CFAP77: variants seen among roughly 807,000 people sequenced by gnomAD.
CFAP77 encodes cilia and flagella associated protein 77.
A neutral mutation model predicts 31.1 loss-of-function variants in CFAP77; 25 were observed. That is an observed-to-expected ratio of 0.80 (90% CI 0.59 to 1.12). CFAP77 has a LOEUF of 1.12. Ranked by LOEUF, CFAP77 falls within the 50% of genes most tolerant of loss-of-function variation. The probability of loss-of-function intolerance (pLI) is 0.00; values close to 1 mark genes in which losing one functional copy is unlikely to be tolerated. For missense variants in CFAP77, 377 were observed against 397.3 expected, an observed-to-expected ratio of 0.95 and a Z score of 0.44; for synonymous variants, 151 against 159.9, an observed-to-expected ratio of 0.94 and a Z score of 0.42.
intron 1 of CFAP77, among the ~76,000 whole-genome samples, chr9:132,444,303 G>A (rs968360065): frequency 1.3e-5 from 2 of 152,210 alleles, no homozygotes; most frequent in African/African-American, 4.8e-5. Flanking sequence ...CATTGCCAGG[G>A]AGACAAATGC....
chr9:132,543,788 C>T lies in CFAP77; in HGVS notation c.732+741C>T, dbSNP rs573908144. ...CCACATTCTGGCCTCAGAACTCAAC[C>T]GGTGTTCACTCAGCCTTGTAGCCCT... is the stretch of plus-strand genomic sequence containing the variant. On this transcript the variant is annotated intron_variant, in intron 5 of 5. Transcript: ENST00000393216. Among the ~76,000 whole-genome samples the T allele has an allele frequency of 2.7e-3, 417 of 152,276 alleles. 8 individuals carry two copies. The highest frequency in any genetic ancestry group is 1.0e-3 in the Non-Finnish European group (70 of 68,014).
intron 5 of CFAP77, among the ~76,000 whole-genome samples, chr9:132,566,270 G>A (rs149860125): frequency 3.3e-5 from 5 of 152,312 alleles, no homozygotes; most frequent in East Asian, 1.9e-4. Context: ...AATGGAGCTC[G>A]TGACGAAGGG....
rs1215100429 is a variant in CFAP77 at position 132,497,368 on chromosome 9, G to C, written c.196-1327G>C. Among the ~76,000 whole-genome samples, 1 of 152,248 alleles carries C rather than the reference G, an allele frequency of 6.6e-6. No individual in the cohort carries two copies. The highest frequency in any genetic ancestry group is 6.5e-5 in the Admixed American group (1 of 15,290). ...GAGACAGCGAGGCCAGAGCCCACCA[G>C]ACCCTCTGGACAGTCTTTGGCGCAG... On this transcript the variant is annotated intron_variant, in intron 1 of 5. Coordinates refer to ENST00000393216, the MANE Select transcript of CFAP77 (RefSeq NM_001282957.2). The surrounding 1 kb of genome is among the most constrained non-coding windows in gnomAD (Gnocchi z 4.9).
rs1465311785 is a variant in CFAP77 at position 132,539,904 on chromosome 9, T to A, written c.630+2198T>A. Among the ~76,000 whole-genome samples, 1 of 151,542 alleles carries A rather than the reference T, an allele frequency of 6.6e-6. No homozygotes were observed. On this transcript the variant is annotated intron_variant, in intron 4 of 5. Coordinates refer to ENST00000393216, the MANE Select transcript of CFAP77 (RefSeq NM_001282957.2). The surrounding 1 kb of genome is among the most constrained non-coding windows in gnomAD (Gnocchi z 4.3). ...TCTAGCCCCGCATTAGAGCTGGGAG[T>A]TTTTTTTGCTGTTTGTTTATTTTTG...
chr9:132,533,187 A>G (rs1852487296), intron 3 of CFAP77, among the ~76,000 whole-genome samples: 1 of 152,176 alleles, frequency 6.6e-6, no homozygotes, highest in African/African-American at 2.4e-5. Flanking sequence ...CCAGGTGTAT[A>G]GTTTGAGAAA....
At chr9:132,445,048 A>C (rs1294107874) in intron 1 of CFAP77, among the ~76,000 whole-genome samples, 2 of 146,614 alleles carry the variant, frequency 1.4e-5, no homozygotes, top group African/African-American at 5.1e-5. Flanking sequence ...ATCTTGGCTC[A>C]CTGCAACCTC....
chr9:132,456,017 T>C (rs1234482944), intron 1 of CFAP77, among the ~76,000 whole-genome samples: 2 of 152,208 alleles, frequency 1.3e-5, no homozygotes, highest in Admixed American at 1.3e-4. Context: ...GGCACTGCCG[T>C]GGCGATTCAA....
chr9:132,542,725 G>T (rs917514854), intron 4 of CFAP77, among the ~76,000 whole-genome samples: 1 of 152,148 alleles, frequency 6.6e-6, no homozygotes, highest in African/African-American at 2.4e-5. Context: ...GTGTCCTGGG[G>T]TCCCACCCCC....
chr9:132,483,878 A>G (rs748798178), intron 1 of CFAP77, among the ~76,000 whole-genome samples: 1 of 151,632 alleles, frequency 6.6e-6, no homozygotes, highest in Non-Finnish European at 1.5e-5. Context: ...TAAGGGAGAA[A>G]GAGTTTCCTC....
rs573484631 is a variant in CFAP77, at chr9:132,564,585, A to G, written c.733-7803A>G. On this transcript the variant is annotated intron_variant, in intron 5 of 5. Coordinates refer to ENST00000393216, the MANE Select transcript of CFAP77 (RefSeq NM_001282957.2). This position sits in a 1 kb window ranked among gnomAD's most constrained non-coding sequence, Gnocchi z 4.6. ...CTCAAAACTTGTGAGATGAGCTAAA[A>G]GAGAATTTAGAGGGAACACAGTTGC... Among the ~76,000 whole-genome samples the G allele has an allele frequency of 1.3e-5, 2 of 152,320 alleles. No individual in the cohort carries two copies. The highest frequency in any genetic ancestry group is 1.9e-4 in the East Asian group (1 of 5,188).
intron 3 of CFAP77, among the ~76,000 whole-genome samples, chr9:132,525,893 G>A (rs1373473132): frequency 1.3e-5 from 2 of 152,316 alleles, no homozygotes; most frequent in Non-Finnish European, 2.9e-5. Flanking sequence ...CATGTAGGGA[G>A]AGTTCATTCT....
intron 5 of CFAP77, 60 bp downstream of exon 5, chr9:132,543,107 C>A: frequency 7.2e-7 from 1 of 1,396,796 alleles, no homozygotes; most frequent in Non-Finnish European, 1.0e-6. Flanking sequence ...CTCACCTTGC[C>A]AGGTCCTTAC....
intron 1 of CFAP77, among the ~76,000 whole-genome samples, chr9:132,466,128 C>T (rs1013965466): frequency 1.3e-5 from 2 of 152,002 alleles, no homozygotes; most frequent in African/African-American, 4.8e-5. Context: ...GCTCTGTTGC[C>T]CAGGCTGGGG....
At chr9:132,488,185 G>A (rs888194747) in intron 1 of CFAP77, among the ~76,000 whole-genome samples, 14 of 152,182 alleles carry the variant, frequency 9.2e-5, no homozygotes, top group Non-Finnish European at 1.6e-4. Flanking sequence ...CAGGAAGTGG[G>A]GAGTGATTGA....
chr9:132,494,766 C>A (rs1453084212), intron 1 of CFAP77, among the ~76,000 whole-genome samples: 1 of 152,196 alleles, frequency 6.6e-6, no homozygotes, highest in Non-Finnish European at 1.5e-5. Flanking sequence ...CTTTGCATTT[C>A]CCAGAGGTTG....
chr9:132,493,864 CTT>C (rs1470664988), intron 1 of CFAP77, among the ~76,000 whole-genome samples: 3 of 145,584 alleles, frequency 2.1e-5, no homozygotes, highest in Admixed American at 1.3e-4. Context: ...TTTCTTTTCT[CTT>C]TTCTTTTCTT....
intron 1 of CFAP77, among the ~76,000 whole-genome samples, chr9:132,491,094 A>G (rs959478484): frequency 1.3e-5 from 2 of 152,096 alleles, no homozygotes; most frequent in African/African-American, 2.4e-5. Context: ...CTGCTGGGAC[A>G]GGTTCCCGCC....
At chr9:132,508,142 C>T (rs541860915) in intron 3 of CFAP77, among the ~76,000 whole-genome samples, 2 of 152,208 alleles carry the variant, frequency 1.3e-5, no homozygotes, top group African/African-American at 4.8e-5. Context: ...GAGAGTCCAT[C>T]TGAGACCCAG....
chr9:132,418,743 G>A (rs939196516), intron 1 of CFAP77, among the ~76,000 whole-genome samples: 6 of 152,216 alleles, frequency 3.9e-5, no homozygotes, highest in Non-Finnish European at 7.3e-5. Context: ...AAACTCATTA[G>A]CAAAGGGGCT....
Sources: gnomAD v4.1 joint callset for allele counts (sites outside exome capture counted in the v4.1 genomes callset) on GRCh38, gnomAD v4.1.1 for gene constraint, Gnocchi (gnomAD v3.1) non-coding constraint, MANE v1.5 for transcripts, NCBI Gene and HGNC (gene_info 2026-07-23, HGNC 2026-07-21) for gene names.